The following ARMH4 variants were observed in gnomAD, a reference collection of about 807,000 sequenced individuals.
ARMH4 encodes armadillo-like helical domain-containing protein 4.
Under a neutral mutation model 61.9 loss-of-function variants are expected in ARMH4, and 49 were observed. The observed-to-expected ratio is 0.79, with a 90% CI of 0.63 to 1.00. The LOEUF (loss-of-function observed/expected upper bound fraction) is 1.00, where lower values mean the gene tolerates loss of function less well. Ranked by LOEUF, ARMH4 falls within the 50% of genes least tolerant of loss-of-function variation. The pLI is 0.00. For synonymous variants in ARMH4, 368 were observed against 341.5 expected (o/e 1.08, Z -0.85); for missense variants, 934 against 930.0 (o/e 1.00, Z -0.06).
chr14:58,095,501 T>C (rs1308628668), intron 5 of ARMH4, among the ~76,000 whole-genome samples: 2 of 152,244 alleles, frequency 1.3e-5, no homozygotes, highest in Non-Finnish European at 2.9e-5. Flanking sequence ...GTTTGTTTTA[T>C]AGTATTTTGA....
chr14:58,028,974 T>G (rs1883117029), intron 5 of ARMH4, among the ~76,000 whole-genome samples: 1 of 152,130 alleles, frequency 6.6e-6, no homozygotes, highest in Non-Finnish European at 1.5e-5. Context: ...CAGTGACATT[T>G]TGCATTTTCA....
chr14:58,062,633 A>C (rs1365208944), intron 5 of ARMH4, among the ~76,000 whole-genome samples: 1 of 152,254 alleles, frequency 6.6e-6, no homozygotes, highest in East Asian at 1.9e-4. Flanking sequence ...GCACGAGGCT[A>C]AGTGTTCTAG....
intron 5 of ARMH4, among the ~76,000 whole-genome samples, chr14:58,050,010 C>T (rs1884082018): frequency 6.6e-6 from 1 of 152,106 alleles, no homozygotes; most frequent in South Asian, 2.1e-4. Flanking sequence ...CATTTTTGGT[C>T]AAGATTTTTT....
chr14:58,011,995 G>C, intron 6 of ARMH4, 124 bp downstream of exon 6: 1 of 706,894 alleles, frequency 1.4e-6, no homozygotes, highest in Admixed American at 3.6e-5. Flanking sequence ...AAGTTGCCCT[G>C]AATCTTTAGA....
intron 5 of ARMH4, among the ~76,000 whole-genome samples, chr14:58,017,990 T>G (rs1044199196): frequency 6.6e-6 from 1 of 152,184 alleles, no homozygotes; most frequent in African/African-American, 2.4e-5. Context: ...ATCAATTGAT[T>G]TTCAACAAAG....
chr14:58,053,945 T>G (rs1443864724), intron 5 of ARMH4, among the ~76,000 whole-genome samples: 1 of 152,236 alleles, frequency 6.6e-6, no homozygotes, highest in African/African-American at 2.4e-5. Context: ...TGCTGGATTT[T>G]AAGCTCTAGA....
chr14:58,093,284 A>G (rs1249482965), intron 5 of ARMH4, among the ~76,000 whole-genome samples: 1 of 151,914 alleles, frequency 6.6e-6, no homozygotes, highest in African/African-American at 2.4e-5. Context: ...CTAATAATAC[A>G]CCTGGCCTAA....
At position 58,012,109 on chromosome 14, in the gene ARMH4, C is replaced by T. The variant is rs750050143; in HGVS notation, c.2121+10G>A. 3 of 1,475,126 alleles carry T rather than the reference C, an allele frequency of 2.0e-6. No homozygotes were observed. The highest frequency in any genetic ancestry group is 2.5e-5 in the South Asian group (2 of 80,352). 91.4% of individuals were successfully genotyped at this position (1,475,126 alleles called of 1,614,324 possible). ...AAAAATAAACCAATGGAAGAAAATA[C>T]TTTTCTTACCTTGTCTTTTAATTTT... On this transcript the variant is annotated intron_variant, in intron 6 of 7. Coordinates refer to ENST00000267485, the MANE Select transcript of ARMH4 (RefSeq NM_001001872.4).
At chr14:58,006,200 TA>T (rs1882164439) in intron 6 of ARMH4, among the ~76,000 whole-genome samples, 1 of 152,190 alleles carries the variant, frequency 6.6e-6, no homozygotes, top group Non-Finnish European at 1.5e-5. Context: ...TGTACTAACC[TA>T]TAGCCCTTTC....
intron 2 of ARMH4, among the ~76,000 whole-genome samples, chr14:58,133,673 T>A (rs1016286256): frequency 6.6e-6 from 1 of 152,214 alleles, no homozygotes; most frequent in African/African-American, 2.4e-5. Context: ...AAACAAGTTA[T>A]ACAGAACTAA....
intron 5 of ARMH4, among the ~76,000 whole-genome samples, chr14:58,044,117 T>G (rs1005429412): frequency 1.3e-5 from 2 of 152,130 alleles, no homozygotes; most frequent in African/African-American, 4.8e-5. Flanking sequence ...AAAACTACTT[T>G]AAAGTTCATA....
At chr14:58,059,527 C>T (rs1884462124) in intron 5 of ARMH4, among the ~76,000 whole-genome samples, 1 of 152,196 alleles carries the variant, frequency 6.6e-6, no homozygotes, top group Non-Finnish European at 1.5e-5. Context: ...TTCAAAATGT[C>T]CCTTCAGCTG....
chr14:58,027,733 G>A (rs968771836), intron 5 of ARMH4, among the ~76,000 whole-genome samples: 7 of 152,120 alleles, frequency 4.6e-5, no homozygotes, highest in African/African-American at 1.4e-4. Context: ...TAATAAAGGG[G>A]ACAAAAGGCA....
chr14:58,138,791 GATTA>G lies in ARMH4; in HGVS notation c.564_567del (p.Gln190HisfsTer20). 1 of 1,614,212 alleles carries G rather than the reference GATTA, an allele frequency of 6.2e-7. No individual in the cohort carries two copies. The highest frequency in any genetic ancestry group is 8.5e-7 in the Non-Finnish European group (1 of 1,180,032). On this transcript the variant is annotated frameshift_variant, in exon 2 of 8. Coordinates refer to ENST00000267485, the MANE Select transcript of ARMH4 (RefSeq NM_001001872.4). LOFTEE classifies it high-confidence loss of function. Reference sequence around the variant, plus strand: ...TCCTGACTTTCAGTTGCAAATGATTGATTATCCATATACTTCAGAAAACCTTTTG... The same window carrying G: ...TCCTGACTTTCAGTTGCAAATGATTGTCCATATACTTCAGAAAACCTTTTG...
intron 5 of ARMH4, among the ~76,000 whole-genome samples, chr14:58,086,995 A>G (rs929122977): frequency 6.6e-6 from 1 of 152,194 alleles, no homozygotes; most frequent in Non-Finnish European, 1.5e-5. Context: ...AGGCAGGAAG[A>G]TAGACCAGAC....
At chr14:58,014,357 G>C (rs1414458237) in intron 5 of ARMH4, among the ~76,000 whole-genome samples, 2 of 152,138 alleles carry the variant, frequency 1.3e-5, no homozygotes, top group Non-Finnish European at 2.9e-5. Context: ...TCAAGAATAA[G>C]GCCAGGGGTT....
Position 58,004,626 on chromosome 14 carries a change from TA to T in ARMH4, c.*109del. ...CCCAGCACCCAGCAGACACTAGGAC[TA>T]ACGGCCTGATAGCAGCAATGTGGCA... On this transcript the variant is annotated 3_prime_UTR_variant, in exon 8 of 8. Transcript: ENST00000267485. 1 of 910,346 alleles carries T rather than the reference TA, an allele frequency of 1.1e-6. No homozygotes were observed. Among genetic ancestry groups the T allele is most frequent in the South Asian group, 1.6e-5 (1 of 63,948 alleles). 56.4% of individuals were successfully genotyped at this position (910,346 alleles called of 1,614,324 possible).
chr14:58,048,625 G>A (rs908779142), intron 5 of ARMH4, among the ~76,000 whole-genome samples: 1 of 152,110 alleles, frequency 6.6e-6, no homozygotes, highest in African/African-American at 2.4e-5. Context: ...AATTTTCTTT[G>A]AAGGGAACAA....
At chr14:58,046,417 C>T (rs1758937237) in intron 5 of ARMH4, among the ~76,000 whole-genome samples, 1 of 152,134 alleles carries the variant, frequency 6.6e-6, no homozygotes, top group Non-Finnish European at 1.5e-5. Flanking sequence ...AGAACACTTA[C>T]AAAAATTGCC....
Sources: gnomAD v4.1 joint callset for allele counts (sites outside exome capture counted in the v4.1 genomes callset) on GRCh38, gnomAD v4.1.1 for gene constraint, MANE v1.5 for transcripts, NCBI Gene and HGNC (gene_info 2026-07-23, HGNC 2026-07-21) for gene names.